Variants in PCDHGA6 observed in about 807,000 individuals in gnomAD.
The protein encoded by PCDHGA6 is protocadherin gamma subfamily A, 6, also known as protocadherin gamma-A6.
Under a neutral mutation model 60.6 loss-of-function variants are expected in PCDHGA6, and 41 were observed. The ratio of observed to expected loss-of-function variants is 0.68; its 90% confidence interval spans 0.53 to 0.88. The LOEUF is 0.88. Among genes scored for constraint, PCDHGA6 ranks in the 40% least tolerant of loss-of-function variants. The probability of loss-of-function intolerance (pLI) is 0.00; values close to 1 mark genes in which losing one functional copy is unlikely to be tolerated. For missense variants in PCDHGA6, 1,312 were observed against 1,203.0 expected (o/e 1.09, Z -1.34); for synonymous variants, 594 against 524.4 (o/e 1.13, Z -1.81).
chr5:141,385,582 G>C, intron 1 of PCDHGA6: 1 of 1,273,856 alleles, frequency 7.9e-7, no homozygotes, highest in Non-Finnish European at 9.9e-7. Context: ...TCCAATCTAT[G>C]TTCCAACCTA....
rs779317191 is a variant in PCDHGA6, at chr5:141,432,553, C to G, written c.2424+56046C>G. The G allele has an allele frequency of 2.6e-5, 42 of 1,613,748 alleles. No individual in the cohort carries two copies. The highest frequency in any genetic ancestry group is 2.0e-4 in the South Asian group (18 of 91,068). The stretch of plus-strand genomic sequence containing the variant: ...AGGTGGTGGCGGTGGACAGAGACTC[C>G]GGCCAGAACGCCTGGCTGTCCTACC... On this transcript the variant is annotated intron_variant, in intron 1 of 3. Coordinates refer to ENST00000517434, the MANE Select transcript of PCDHGA6 (RefSeq NM_018919.3). The surrounding 1 kb of genome is among the most constrained non-coding windows in gnomAD (Gnocchi z 6.0).
intron 1 of PCDHGA6, chr5:141,423,925 T>C (rs17097293): frequency 0.23 from 286,429 of 1,244,544 alleles, 36,355 homozygotes; most frequent in African/African-American, 0.51. Flanking sequence ...ACTATGCTGG[T>C]TTGGTTTGAA....
chr5:141,451,009 T>C (rs1437016950), intron 1 of PCDHGA6, among the ~76,000 whole-genome samples: 1 of 151,566 alleles, frequency 6.6e-6, no homozygotes, highest in East Asian at 1.9e-4. Context: ...GTATTTTTTT[T>C]AGTAGAGACG....
chr5:141,419,138 A>G (rs1590146439), intron 1 of PCDHGA6: 1 of 1,613,920 alleles, frequency 6.2e-7, no homozygotes, highest in Non-Finnish European at 8.5e-7. Flanking sequence ...AGCCACAGAC[A>G]GGGGCAAGCC....
intron 1 of PCDHGA6, chr5:141,393,454 C>A: frequency 1.2e-6 from 2 of 1,614,046 alleles, no homozygotes; most frequent in South Asian, 1.1e-5. Context: ...GTCCTCACGG[C>A]CTCGGATGGC....
chr5:141,431,658 C>T lies in PCDHGA6; in HGVS notation c.2424+55151C>T, dbSNP rs1283381348. 6.2e-7 allele frequency: 1 copy of T among 1,614,088 alleles called. No individual in the cohort carries two copies. ...TTCAAACTAGATTGTAATTCAGGGA[C>T]AATATCAACAATAGGGGAGTTGGAC... On this transcript the variant is annotated intron_variant, in intron 1 of 3. Transcript: ENST00000517434. The surrounding 1 kb of genome is among the most constrained non-coding windows in gnomAD (Gnocchi z 4.8).
intron 1 of PCDHGA6, among the ~76,000 whole-genome samples, chr5:141,406,157 C>A: frequency 6.6e-6 from 1 of 151,124 alleles, no homozygotes. Flanking sequence ...ACTGCAGTCT[C>A]AATCTCCTGG....
intron 1 of PCDHGA6, chr5:141,410,123 C>A: frequency 1.2e-6 from 2 of 1,612,780 alleles, no homozygotes; most frequent in Non-Finnish European, 1.7e-6. Flanking sequence ...AGCCCGCCAG[C>A]GCCTGCTGGT....
intron 2 of PCDHGA6, among the ~76,000 whole-genome samples, chr5:141,499,370 AT>A (rs932083472): frequency 2.0e-5 from 3 of 152,170 alleles, no homozygotes. Context: ...TAGCAACTTA[AT>A]TTTTTTCCAC....
Position 141,491,947 on chromosome 5 carries a change from C to T in PCDHGA6, c.2425-2860C>T. ...GGGGAGGTGGGACCGACCCCCACCCCTACACTCAAAAAAGGCCGGGGCCTC... is the reference window on the plus strand; with the variant it reads ...GGGGAGGTGGGACCGACCCCCACCCTTACACTCAAAAAAGGCCGGGGCCTC... On this transcript the variant is annotated intron_variant, in intron 1 of 3. Coordinates refer to ENST00000517434, the MANE Select transcript of PCDHGA6 (RefSeq NM_018919.3). The surrounding 1 kb of genome is among the most constrained non-coding windows in gnomAD (Gnocchi z 6.9). 1 of 1,114,210 alleles carries T rather than the reference C, an allele frequency of 9.0e-7. No individual in the cohort carries two copies. The highest frequency in any genetic ancestry group is 1.2e-6 in the Non-Finnish European group (1 of 815,758). 69.0% of individuals were successfully genotyped at this position (1,114,210 alleles called of 1,614,324 possible). A position where few individuals can be genotyped will look rare whatever the true frequency, so the allele number is the denominator to read the frequency against.
chr5:141,486,012 A>C lies in PCDHGA6; in HGVS notation c.2425-8795A>C. The C allele has an allele frequency of 1.9e-6, 3 of 1,614,064 alleles. No homozygotes were observed. The highest frequency in any genetic ancestry group is 2.5e-6 in the Non-Finnish European group (3 of 1,179,984). On this transcript the variant is annotated intron_variant, in intron 1 of 3. Coordinates refer to ENST00000517434, the MANE Select transcript of PCDHGA6 (RefSeq NM_018919.3). The surrounding 1 kb of genome is among the most constrained non-coding windows in gnomAD (Gnocchi z 5.0). ...GGTCCCAGTGGTAACGTCACCTTTT[A>C]TTTCAGTGGTCATACCCCTGATCGT...
chr5:141,374,721 C>T lies in PCDHGA6; in HGVS notation c.638C>T (p.Thr213Ile). ...EGEAVYRLVL[T>I]AMDGGDPVRS... ...GAAGCCGTTTACCGCCTGGTCCTTA[C>T]TGCCATGGATGGCGGCGACCCTGTC... The change falls in exon 1 of 4, where the codon ACT (threonine) becomes ATT (isoleucine). Residue 213 changes from threonine to isoleucine, a missense_variant. Coordinates refer to ENST00000517434, the MANE Select transcript of PCDHGA6 (RefSeq NM_018919.3). 6.2e-7 allele frequency: 1 copy of T among 1,610,366 alleles called. No homozygotes were observed. Among genetic ancestry groups the T allele is most frequent in the Non-Finnish European group, 8.5e-7 (1 of 1,178,082 alleles).
Position 141,511,565 on chromosome 5 carries a change from AG to A in PCDHGA6, c.*393del, listed in dbSNP as rs2099883852. 6.8e-6 allele frequency: 2 copies of A among 296,092 alleles called. No homozygotes were observed. Among genetic ancestry groups the A allele is most frequent in the South Asian group, 7.4e-5 (2 of 26,988 alleles). The allele number at this position is 296,092 out of a possible 1,614,324, so 18.3% of individuals were successfully genotyped here. On this transcript the variant is annotated 3_prime_UTR_variant, in exon 4 of 4. Transcript: ENST00000517434. ...CCACTCCAACAGTTCCTCTTTCCCG[AG>A]TAAGGTGGTTGGGGTGTTGAAGTAC...
intron 1 of PCDHGA6, among the ~76,000 whole-genome samples, chr5:141,464,301 T>A (rs1237581605): frequency 6.6e-6 from 1 of 150,782 alleles, no homozygotes; most frequent in Non-Finnish European, 1.5e-5. Flanking sequence ...CTCCATTGTA[T>A]GTGCACATAT....
At chr5:141,410,105 A>G in intron 1 of PCDHGA6, 1 of 1,612,376 alleles carries the variant, frequency 6.2e-7, no homozygotes, top group South Asian at 1.1e-5. Context: ...CTTAGGCGAC[A>G]GGGACGCAGC....
At position 141,431,274 on chromosome 5, in the gene PCDHGA6, TC is replaced by T. The variant is rs767658803; in HGVS notation, c.2424+54768del. On this transcript the variant is annotated intron_variant, in intron 1 of 3. Transcript: ENST00000517434. The surrounding 1 kb of genome is among the most constrained non-coding windows in gnomAD (Gnocchi z 4.8). ...AAGAACTCTCTGCAGAGCTACGAGC[TC>T]AGCCCGAACACTCACTTCTCCCTCA... 6 of 1,614,128 alleles carry T rather than the reference TC, an allele frequency of 3.7e-6. No homozygotes were observed. Among genetic ancestry groups the T allele is most frequent in the Non-Finnish European group, 5.1e-6 (6 of 1,180,024 alleles).
At chr5:141,379,592 TACCTGTGACCATTTCATTTAA>T (rs1451558055) in intron 1 of PCDHGA6, 2 of 152,236 alleles carry the variant, frequency 1.3e-5, no homozygotes, top group East Asian at 3.8e-4. Flanking sequence ...ATTCTCTTAT[TACCTGTGACCATTTCATTTAA>T]ACAAATAAAA....
chr5:141,478,826 G>A, intron 1 of PCDHGA6: 2 of 1,439,244 alleles, frequency 1.4e-6, no homozygotes, highest in Non-Finnish European at 1.8e-6. Context: ...AACCAATCTT[G>A]CTAAGGGATG....
At chr5:141,415,655 T>C (rs780357843) in intron 1 of PCDHGA6, 50 of 1,586,718 alleles carry the variant, frequency 3.2e-5, no homozygotes, top group Non-Finnish European at 4.0e-5. Flanking sequence ...AAAAAAAAGA[T>C]TGGTTTTTAC....
Sources: allele counts gnomAD v4.1 joint callset (sites outside exome capture counted in the v4.1 genomes callset), GRCh38; gene constraint gnomAD v4.1.1; non-coding constraint Gnocchi (gnomAD v3.1); transcripts MANE v1.5; gene names NCBI Gene and HGNC (gene_info 2026-07-23, HGNC 2026-07-21).